The following LSAMP variants were observed in gnomAD, a reference collection of about 807,000 sequenced individuals.
The protein encoded by LSAMP is limbic system-associated membrane protein.
A neutral mutation model predicts 38.6 loss-of-function variants in LSAMP; 7 were observed. That is an observed-to-expected ratio of 0.18 (90% CI 0.10 to 0.34). LSAMP has a LOEUF of 0.34. Ranked by LOEUF, LSAMP falls within the 10% of genes least tolerant of loss-of-function variation. LSAMP has a pLI of 1.00. For missense variants in LSAMP, 313 were observed against 420.0 expected (o/e 0.75, Z 2.23); for synonymous variants, 154 against 166.8 (o/e 0.92, Z 0.59).
At chr3:116,190,134 T>C (rs1710722142) in intron 1 of LSAMP, among the ~76,000 whole-genome samples, 1 of 102,394 alleles carries the variant, frequency 9.8e-6, no homozygotes, top group Non-Finnish European at 2.0e-5. Context: ...CACACATGCA[T>C]TAAGAAATCT....
chr3:116,052,819 T>C (rs1000060074), intron 2 of LSAMP, among the ~76,000 whole-genome samples: 9 of 152,162 alleles, frequency 5.9e-5, no homozygotes, highest in Admixed American at 4.6e-4. Context: ...ATCTCATTGC[T>C]TAGTTGGACG....
At chr3:116,088,289 A>T (rs1708039445) in intron 1 of LSAMP, among the ~76,000 whole-genome samples, 2 of 152,198 alleles carry the variant, frequency 1.3e-5, no homozygotes, top group Non-Finnish European at 2.9e-5. Flanking sequence ...ATCATTTAAC[A>T]TCTCCATTTC....
chr3:116,339,050 T>C (rs1215141681), intron 1 of LSAMP, among the ~76,000 whole-genome samples: 3 of 151,930 alleles, frequency 2.0e-5, no homozygotes, highest in African/African-American at 7.2e-5. Flanking sequence ...TACTTGCAAA[T>C]GTAAAGGTGA....
chr3:116,091,980 C>A (rs1160440175), intron 1 of LSAMP, among the ~76,000 whole-genome samples: 2 of 152,182 alleles, frequency 1.3e-5, no homozygotes, highest in African/African-American at 4.8e-5. Flanking sequence ...CCTTATCATA[C>A]TCCACATTGC....
chr3:116,027,398 G>A (rs1046869680), intron 2 of LSAMP, among the ~76,000 whole-genome samples: 1 of 152,178 alleles, frequency 6.6e-6, no homozygotes, highest in Admixed American at 6.5e-5. Context: ...TACGGGGCTT[G>A]TGTACTTGCT....
chr3:116,212,598 C>T (rs889912016), intron 1 of LSAMP, among the ~76,000 whole-genome samples: 6 of 151,654 alleles, frequency 4.0e-5, no homozygotes, highest in African/African-American at 1.5e-4. Context: ...TTCAAAGACA[C>T]CCTTCTGAGT....
intron 3 of LSAMP, among the ~76,000 whole-genome samples, chr3:115,864,321 G>A (rs1304249529): frequency 6.6e-6 from 1 of 152,088 alleles, no homozygotes. Context: ...TTCCCAGCTG[G>A]GACTAAAGTT....
intron 1 of LSAMP, among the ~76,000 whole-genome samples, chr3:116,178,448 G>A (rs6768229): frequency 0.5 from 75,970 of 152,050 alleles, 21,480 homozygotes; most frequent in East Asian, 0.74. Context: ...GATTACAGGC[G>A]TGAGCCACCA....
At chr3:116,137,741 C>G (rs1424711023) in intron 1 of LSAMP, among the ~76,000 whole-genome samples, 1 of 152,088 alleles carries the variant, frequency 6.6e-6, no homozygotes, top group African/African-American at 2.4e-5. Context: ...ATTTTGTATT[C>G]TAGAGATGAG....
At position 116,110,992 on chromosome 3, in the gene LSAMP, G is replaced by A. The variant is rs149840211; in HGVS notation, c.156-24436C>T. On this transcript the variant is annotated intron_variant, in intron 1 of 6. Transcript: ENST00000490035. Reference sequence around the variant, plus strand: ...AAGGGGTTCTCTGGTGGGCAGGGGCGGGGGGTCACAAGGTGCTCAGTGGGG... The same window carrying A: ...AAGGGGTTCTCTGGTGGGCAGGGGCAGGGGGTCACAAGGTGCTCAGTGGGG... 8.9e-3 allele frequency among the ~76,000 whole-genome samples: 1,341 copies of A among 151,464 alleles called. 19 individuals are homozygous for A. The highest frequency in any genetic ancestry group is 0.029 in the African/African-American group (1,206 of 40,910).
At chr3:116,145,882 G>T (rs1709479503) in intron 1 of LSAMP, among the ~76,000 whole-genome samples, 2 of 151,636 alleles carry the variant, frequency 1.3e-5, no homozygotes, top group African/African-American at 4.8e-5. Flanking sequence ...TAATTGTATT[G>T]ACTACAGTTT....
At chr3:115,856,826 A>G (rs1456085562) in intron 3 of LSAMP, among the ~76,000 whole-genome samples, 1 of 152,152 alleles carries the variant, frequency 6.6e-6, no homozygotes, top group East Asian at 1.9e-4. Flanking sequence ...TACCCAGTCT[A>G]TGGTATTTTT....
At chr3:116,036,503 C>T (rs1399035955) in intron 2 of LSAMP, among the ~76,000 whole-genome samples, 1 of 152,152 alleles carries the variant, frequency 6.6e-6, no homozygotes, top group East Asian at 1.9e-4. Context: ...CTGTGCCTCA[C>T]TTTTGTCTTC....
At chr3:116,115,475 A>G (rs578155808) in intron 1 of LSAMP, among the ~76,000 whole-genome samples, 2 of 152,226 alleles carry the variant, frequency 1.3e-5, no homozygotes, top group Non-Finnish European at 2.9e-5. Context: ...ACATCTGCAT[A>G]GGGCTATAAT....
chr3:116,107,636 G>C (rs9856732), intron 1 of LSAMP, among the ~76,000 whole-genome samples: 14,404 of 152,176 alleles, frequency 0.095, 2,198 homozygotes, highest in African/African-American at 0.33. Context: ...TAACAGATGA[G>C]AATGAAATTT....
chr3:115,834,625 TG>T, intron 6 of LSAMP: 1 of 1,180,648 alleles, frequency 8.5e-7, no homozygotes, highest in East Asian at 6.5e-5. Context: ...GTAATCATCA[TG>T]GAGATTTTAA....
chr3:116,252,056 G>C (rs1263454953), intron 1 of LSAMP, among the ~76,000 whole-genome samples: 1 of 152,158 alleles, frequency 6.6e-6, no homozygotes, highest in African/African-American at 2.4e-5. Context: ...CCTTGTGTCA[G>C]CTCTCGTTAG....
chr3:116,214,752 C>T (rs993241998), intron 1 of LSAMP, among the ~76,000 whole-genome samples: 1 of 152,078 alleles, frequency 6.6e-6, no homozygotes, highest in African/African-American at 2.4e-5. Context: ...ATCTGCCTGC[C>T]TCAGCCTCCC....
At chr3:115,861,185 CCTTCCTTCCT>C (rs1559855567) in intron 3 of LSAMP, among the ~76,000 whole-genome samples, 9 of 110,334 alleles carry the variant, frequency 8.2e-5, no homozygotes, top group Non-Finnish European at 1.6e-4. Flanking sequence ...TTCCTTCCTT[CCTTCCTTCCT>C]TCCTTCCTTC....
Sources: gnomAD v4.1 joint callset for allele counts (sites outside exome capture counted in the v4.1 genomes callset) on GRCh38, gnomAD v4.1.1 for gene constraint, MANE v1.5 for transcripts, NCBI Gene and HGNC (gene_info 2026-07-23, HGNC 2026-07-21) for gene names.